CERS4: variants seen among roughly 807,000 people sequenced by gnomAD.
CERS4 encodes the protein ceramide synthase 4, also known as LAG1 homolog, ceramide synthase 4.
CERS4 carries 65 observed loss-of-function variants against 51.8 expected under a neutral mutation model. That is an observed-to-expected ratio of 1.26 (90% CI 1.03 to 1.54). The LOEUF (loss-of-function observed/expected upper bound fraction) is 1.54, where lower values mean the gene tolerates loss of function less well. Ranked by LOEUF, CERS4 falls within the 40% of genes most tolerant of loss-of-function variation. CERS4 has a pLI of 0.00. For synonymous variants in CERS4, 228 were observed against 208.4 expected, an observed-to-expected ratio of 1.09 and a Z score of -0.81; for missense variants, 563 against 500.4, an observed-to-expected ratio of 1.13 and a Z score of -1.19.
intron 2 of CERS4, among the ~76,000 whole-genome samples, chr19:8,219,463 G>A (rs1309803495): frequency 6.6e-6 from 1 of 152,176 alleles, no homozygotes; most frequent in Non-Finnish European, 1.5e-5. Context: ...CCAGGAGTTC[G>A]AGACAAGCCT....
chr19:8,255,233 C>T (rs1327639224), intron 4 of CERS4, among the ~76,000 whole-genome samples: 1 of 152,150 alleles, frequency 6.6e-6, no homozygotes, highest in African/African-American at 2.4e-5. Context: ...GTCAATTTCC[C>T]TCTTCAGGTA....
At chr19:8,245,121 A>AAAAAACAAAAAAAAACAAAAAAAAAAC (rs1555777233) in intron 2 of CERS4, among the ~76,000 whole-genome samples, 3 of 146,200 alleles carry the variant, frequency 2.1e-5, no homozygotes, top group East Asian at 4.0e-4. Context: ...CAAAAAAAAA[A>AAAAAACAAAAAAAAACAAAAAAAAAAC]AAAAAAAAAA....
chr19:8,234,003 C>A (rs961564054), intron 2 of CERS4, among the ~76,000 whole-genome samples: 1 of 147,270 alleles, frequency 6.8e-6, no homozygotes, highest in African/African-American at 2.5e-5. Flanking sequence ...CAACAGAGAC[C>A]TCGTCTCAAA....
chr19:8,212,648 T>A (rs555344610), intron 2 of CERS4, among the ~76,000 whole-genome samples: 3 of 152,144 alleles, frequency 2.0e-5, no homozygotes, highest in Admixed American at 6.6e-5. Context: ...TTATTTTTTT[T>A]ATTTTTTGGA....
At chr19:8,248,076 TAG>T (rs1272280691) in intron 2 of CERS4, among the ~76,000 whole-genome samples, 1 of 152,126 alleles carries the variant, frequency 6.6e-6, no homozygotes, top group Non-Finnish European at 1.5e-5. Flanking sequence ...GGCGCCTCCT[TAG>T]AGAGCCTCTC....
chr19:8,239,092 C>T (rs1273590006), intron 2 of CERS4, among the ~76,000 whole-genome samples: 1 of 151,290 alleles, frequency 6.6e-6, no homozygotes, highest in East Asian at 1.9e-4. Flanking sequence ...CAGAATGAGA[C>T]CCCATCTCTT....
At chr19:8,225,417 CTTTTT>C (rs35365775) in intron 2 of CERS4, among the ~76,000 whole-genome samples, 1 of 113,882 alleles carries the variant, frequency 8.8e-6, no homozygotes, top group Non-Finnish European at 1.8e-5. Context: ...TCCAATAATT[CTTTTT>C]TTTTTTTTTT....
At chr19:8,243,764 C>G (rs1968640792) in intron 2 of CERS4, among the ~76,000 whole-genome samples, 1 of 151,192 alleles carries the variant, frequency 6.6e-6, no homozygotes. Context: ...CCTACCCAGG[C>G]CCCACCCACC....
At chr19:8,250,046 C>T (rs1056621021) in intron 2 of CERS4, among the ~76,000 whole-genome samples, 3 of 152,188 alleles carry the variant, frequency 2.0e-5, no homozygotes, top group African/African-American at 7.2e-5. Flanking sequence ...ATGATCTCGG[C>T]TCACTGCAAC....
At chr19:8,235,039 A>G (rs2927721) in intron 2 of CERS4, among the ~76,000 whole-genome samples, 114,635 of 139,576 alleles carry the variant, frequency 0.82, 46,930 homozygotes, top group Non-Finnish European at 0.84. Context: ...ACAGAGTTTC[A>G]CTCTTGTTGC....
intron 9 of CERS4, among the ~76,000 whole-genome samples, chr19:8,257,590 C>T (rs1423720516): frequency 1.3e-5 from 2 of 152,204 alleles, no homozygotes; most frequent in Non-Finnish European, 2.9e-5. Flanking sequence ...GCCACCATGC[C>T]AGCTAACTTT....
At position 8,258,156 on chromosome 19, in the gene CERS4, G is replaced by A. The variant is rs115950913; in HGVS notation, c.848+171G>A. Among the ~76,000 whole-genome samples the A allele has an allele frequency of 9.2e-3, 1,394 of 152,254 alleles. 6 individuals carry two copies. Among genetic ancestry groups the A allele is most frequent in the Middle Eastern group, 0.044 (13 of 294 alleles). Reference sequence around the variant, plus strand: ...CACAGGGCACGGCATATGCAAAGGCGCAGAGGTGAGACAGAGAATTATTAT... The same window carrying A: ...CACAGGGCACGGCATATGCAAAGGCACAGAGGTGAGACAGAGAATTATTAT... On this transcript the variant is annotated intron_variant, in intron 10 of 11. Transcript: ENST00000251363.
chr19:8,224,757 C>T (rs1186452086), intron 2 of CERS4, among the ~76,000 whole-genome samples: 1 of 151,968 alleles, frequency 6.6e-6, no homozygotes, highest in Non-Finnish European at 1.5e-5. Context: ...AAATGGGAGC[C>T]GTGGAAATCG....
intron 2 of CERS4, among the ~76,000 whole-genome samples, chr19:8,235,011 C>CTTT (rs567754538): frequency 1.4e-4 from 16 of 110,676 alleles, no homozygotes; most frequent in African/African-American, 3.3e-4. Flanking sequence ...TTCTTTCTTT[C>CTTT]TTTTTTTTTT....
chr19:8,249,013 TTGGATGGG>T (rs1360027380), intron 2 of CERS4, among the ~76,000 whole-genome samples: 13 of 137,968 alleles, frequency 9.4e-5, no homozygotes, highest in Admixed American at 2.1e-4. Context: ...GGACAGATGT[TTGGATGGG>T]TGGATGGATG....
chr19:8,241,803 C>T (rs529554236), intron 2 of CERS4, among the ~76,000 whole-genome samples: 4 of 152,084 alleles, frequency 2.6e-5, no homozygotes, highest in African/African-American at 9.7e-5. Context: ...GCCCGCCTGC[C>T]CTGAGCCTCA....
chr19:8,249,214 A>C (rs1968945017), intron 2 of CERS4, among the ~76,000 whole-genome samples: 1 of 149,074 alleles, frequency 6.7e-6, no homozygotes. Flanking sequence ...CGATGGGTGG[A>C]TGGATGATGG....
At chr19:8,246,382 C>T (rs1968789603) in intron 2 of CERS4, among the ~76,000 whole-genome samples, 1 of 151,538 alleles carries the variant, frequency 6.6e-6, no homozygotes, top group African/African-American at 2.4e-5. Flanking sequence ...CATAGGGAGA[C>T]CCTCTCTCTA....
At position 8,210,984 on chromosome 19, in the gene CERS4, C is replaced by T. The variant is rs940459414; in HGVS notation, c.-2+122C>T. ...CATCTGTAAAATGGGTCAGTAGTAT[C>T]TGAGCCTGGGAGTGTTCATGGATCG... On this transcript the variant is annotated intron_variant, in intron 2 of 11. Transcript: ENST00000251363. The surrounding 1 kb of genome is among the most constrained non-coding windows in gnomAD (Gnocchi z 4.2). 1 of 151,824 alleles carries T rather than the reference C, an allele frequency of 6.6e-6. No homozygotes were observed. The highest frequency in any genetic ancestry group is 1.5e-5 in the Non-Finnish European group (1 of 67,978). 9.4% of individuals were successfully genotyped at this position (151,824 alleles called of 1,614,324 possible).
Sources: allele counts gnomAD v4.1 joint callset (sites outside exome capture counted in the v4.1 genomes callset), GRCh38; gene constraint gnomAD v4.1.1; non-coding constraint Gnocchi (gnomAD v3.1); transcripts MANE v1.5; gene names NCBI Gene and HGNC (gene_info 2026-07-23, HGNC 2026-07-21).